The following PLD5 variants were observed in gnomAD, a reference collection of about 807,000 sequenced individuals.
The protein encoded by PLD5 is inactive phospholipase D5.
Under a neutral mutation model 61.1 loss-of-function variants are expected in PLD5, and 36 were observed. That is an observed-to-expected ratio of 0.59 (90% CI 0.45 to 0.78). The LOEUF (loss-of-function observed/expected upper bound fraction) is 0.78, where lower values mean the gene tolerates loss of function less well. Ranked by LOEUF, PLD5 falls within the 30% of genes least tolerant of loss-of-function variation. The pLI is 0.00. For missense variants in PLD5, 515 were observed against 644.4 expected, an observed-to-expected ratio of 0.80 and a Z score of 2.17; for synonymous variants, 243 against 242.8, an observed-to-expected ratio of 1.00 and a Z score of -0.01.
At chr1:242,404,145 G>C (rs1263811354) in intron 1 of PLD5, among the ~76,000 whole-genome samples, 1 of 152,154 alleles carries the variant, frequency 6.6e-6, no homozygotes, top group Non-Finnish European at 1.5e-5. Flanking sequence ...GGAAACCAAT[G>C]TTTATAAAGA....
chr1:242,106,337 T>C (rs1558225802), intron 8 of PLD5, among the ~76,000 whole-genome samples: 1 of 152,242 alleles, frequency 6.6e-6, no homozygotes. Context: ...TGGAAGACTC[T>C]GTGCAGTGAC....
chr1:242,490,938 C>A (rs1668129716), intron 1 of PLD5, among the ~76,000 whole-genome samples: 1 of 152,140 alleles, frequency 6.6e-6, no homozygotes, highest in Non-Finnish European at 1.5e-5. Flanking sequence ...TTTTGAATAA[C>A]AAGGCTTAGC....
Position 242,158,896 on chromosome 1 carries a change from T to C in PLD5, c.736-34231A>G, listed in dbSNP as rs184703235. Reference sequence around the variant, plus strand: ...GACGAACCTATTGAGAGAAAATCTTTATTTTCTTTTCCATTTGTTGCATTT... The same window carrying C: ...GACGAACCTATTGAGAGAAAATCTTCATTTTCTTTTCCATTTGTTGCATTT... On this transcript the variant is annotated intron_variant, in intron 5 of 9. Transcript: ENST00000536534. Among the ~76,000 whole-genome samples, 274 of 152,326 alleles carry C rather than the reference T, an allele frequency of 1.8e-3. 3 individuals are homozygous for C. Among genetic ancestry groups the C allele is most frequent in the African/African-American group, 6.1e-3 (255 of 41,558 alleles).
At chr1:242,316,692 T>TGAA (rs765490258) in intron 2 of PLD5, among the ~76,000 whole-genome samples, 10 of 152,198 alleles carry the variant, frequency 6.6e-5, no homozygotes, top group Non-Finnish European at 1.3e-4. Flanking sequence ...GGATTTATAG[T>TGAA]GAAGACTATT....
At position 242,482,437 on chromosome 1, in the gene PLD5, C is replaced by A. The variant is rs375610204; in HGVS notation, c.189+41651G>T. 2.6e-4 allele frequency among the ~76,000 whole-genome samples: 39 copies of A among 152,180 alleles called. No homozygotes were observed. In the East Asian group the frequency reaches 6.0e-3, roughly 23 times the overall value. On this transcript the variant is annotated intron_variant, in intron 1 of 9. Transcript: ENST00000536534. ...CACAAGCCTCAGTAGCTGATTTGATCAACTGGAAGAAAGGGTATCAGTGAT... is the reference window on the plus strand; with the variant it reads ...CACAAGCCTCAGTAGCTGATTTGATAAACTGGAAGAAAGGGTATCAGTGAT...
intron 5 of PLD5, among the ~76,000 whole-genome samples, chr1:242,167,515 G>C (rs1015719569): frequency 6.6e-6 from 1 of 152,202 alleles, no homozygotes; most frequent in African/African-American, 2.4e-5. Context: ...TCCATGACAT[G>C]TGGGGATTAT....
intron 5 of PLD5, among the ~76,000 whole-genome samples, chr1:242,180,487 T>G (rs547971396): frequency 1.3e-5 from 2 of 152,160 alleles, no homozygotes; most frequent in African/African-American, 4.8e-5. Flanking sequence ...GCTATATTAG[T>G]TCCTTAAAAA....
intron 1 of PLD5, among the ~76,000 whole-genome samples, chr1:242,391,073 C>T (rs189454908): frequency 3.9e-5 from 6 of 152,022 alleles, no homozygotes; most frequent in Non-Finnish European, 7.4e-5. Flanking sequence ...CGGGTATCTG[C>T]AGTCCTAGCT....
intron 5 of PLD5, among the ~76,000 whole-genome samples, chr1:242,206,607 T>A (rs1669329453): frequency 6.6e-6 from 1 of 152,338 alleles, no homozygotes; most frequent in African/African-American, 2.4e-5. Context: ...GATATTTCTC[T>A]AGCTTATAAT....
At chr1:242,307,224 G>T (rs2149168676) in intron 2 of PLD5, among the ~76,000 whole-genome samples, 1 of 152,138 alleles carries the variant, frequency 6.6e-6, no homozygotes, top group East Asian at 1.9e-4. Context: ...GGATGCTGCT[G>T]CTCAACTTAG....
intron 1 of PLD5, among the ~76,000 whole-genome samples, chr1:242,465,204 C>T (rs1667237630): frequency 6.6e-6 from 1 of 152,140 alleles, no homozygotes; most frequent in Non-Finnish European, 1.5e-5. Flanking sequence ...TTCACTGATA[C>T]TCCAAATTTA....
chr1:242,089,708 T>C lies in PLD5; in HGVS notation c.*146A>G. ...TACACGACGCTAAGATATTGTTAGA[T>C]AGGTATTATGTGTTGTTCAGAGAAT... is the stretch of plus-strand genomic sequence containing the variant. On this transcript the variant is annotated 3_prime_UTR_variant, in exon 10 of 10. Coordinates refer to ENST00000536534, the MANE Select transcript of PLD5 (RefSeq NM_001372062.1). 1.0e-6 allele frequency: 1 copy of C among 976,612 alleles called. No homozygotes were observed. Among genetic ancestry groups the C allele is most frequent in the Non-Finnish European group, 1.5e-6 (1 of 653,588 alleles). 60.5% of individuals were successfully genotyped at this position (976,612 alleles called of 1,614,324 possible). A position where few individuals can be genotyped will look rare whatever the true frequency, so the allele number is the denominator to read the frequency against.
At chr1:242,274,955 C>T (rs1031335041) in intron 3 of PLD5, among the ~76,000 whole-genome samples, 2 of 152,108 alleles carry the variant, frequency 1.3e-5, no homozygotes, top group Admixed American at 6.5e-5. Context: ...CGGCTTTCTT[C>T]CACCCAGGAA....
intron 3 of PLD5, among the ~76,000 whole-genome samples, chr1:242,267,878 C>G (rs1673792127): frequency 7.3e-6 from 1 of 137,826 alleles, no homozygotes; most frequent in Non-Finnish European, 1.5e-5. Context: ...TAGACCCCAT[C>G]TCCAAAAATT....
At chr1:242,326,714 G>A (rs1251515961) in intron 2 of PLD5, among the ~76,000 whole-genome samples, 1 of 151,866 alleles carries the variant, frequency 6.6e-6, no homozygotes, top group Admixed American at 6.6e-5. Context: ...TTGTGTGTGT[G>A]TTTTGTTTTT....
chr1:242,084,062 G>T lies in PLD5; in HGVS notation c.*5792C>A, dbSNP rs1659352355. On this transcript the variant is annotated 3_prime_UTR_variant, in exon 10 of 10. Coordinates refer to ENST00000536534, the MANE Select transcript of PLD5 (RefSeq NM_001372062.1). ...GCCAGATATCCACTTCATAAAAAGAGATCTTTTCTCCTTACTAATTTATCT... is the reference window on the plus strand; with the variant it reads ...GCCAGATATCCACTTCATAAAAAGATATCTTTTCTCCTTACTAATTTATCT... 1 of 152,248 alleles carries T rather than the reference G, an allele frequency of 6.6e-6. No individual in the cohort carries two copies. Among genetic ancestry groups the T allele is most frequent in the African/African-American group, 2.4e-5 (1 of 41,562 alleles). The allele number at this position is 152,248 out of a possible 1,614,324, so 9.4% of individuals were successfully genotyped here. A position where few individuals can be genotyped will look rare whatever the true frequency, so the allele number is the denominator to read the frequency against.
intron 5 of PLD5, among the ~76,000 whole-genome samples, chr1:242,211,762 T>C (rs2148985539): frequency 6.6e-6 from 1 of 152,282 alleles, no homozygotes; most frequent in African/African-American, 2.4e-5. Flanking sequence ...CAGTAAGTCA[T>C]TGGTGCCTGC....
At chr1:242,321,510 G>A (rs1658408964) in intron 2 of PLD5, among the ~76,000 whole-genome samples, 1 of 152,058 alleles carries the variant, frequency 6.6e-6, no homozygotes, top group Non-Finnish European at 1.5e-5. Flanking sequence ...TCACCATGTT[G>A]GCCAGGCTGG....
intron 4 of PLD5, among the ~76,000 whole-genome samples, chr1:242,257,093 A>G (rs564836017): frequency 2.7e-5 from 4 of 146,822 alleles, no homozygotes; most frequent in Non-Finnish European, 6.1e-5. Context: ...TCATTTATCT[A>G]TATCTTTCTA....
Sources: allele counts gnomAD v4.1 joint callset (sites outside exome capture counted in the v4.1 genomes callset), GRCh38; gene constraint gnomAD v4.1.1; transcripts MANE v1.5; gene names NCBI Gene and HGNC (gene_info 2026-07-23, HGNC 2026-07-21).